The following BIRC6 variants were observed in gnomAD, a reference collection of about 807,000 sequenced individuals.
BIRC6 encodes dual E2 ubiquitin-conjugating enzyme/E3 ubiquitin-protein ligase BIRC6.
In BIRC6, 98 loss-of-function variants were observed where a neutral mutation model predicts 503.3. That is an observed-to-expected ratio of 0.19 (90% CI 0.17 to 0.23). The LOEUF is 0.23. Among genes scored for constraint, BIRC6 ranks in the 10% least tolerant of loss-of-function variants. BIRC6 has a pLI of 1.00. For synonymous variants in BIRC6, 2,240 were observed against 2,078.7 expected, an observed-to-expected ratio of 1.08 and a Z score of -2.11; for missense variants, 5,360 against 5,806.0, an observed-to-expected ratio of 0.92 and a Z score of 2.50.
chr2:32,610,330 A>C (rs1439078130), intron 72 of BIRC6, among the ~76,000 whole-genome samples: 1 of 152,232 alleles, frequency 6.6e-6, no homozygotes, highest in African/African-American at 2.4e-5. Context: ...TCTTACTACT[A>C]TATGTTGGTA....
At chr2:32,390,135 C>A (rs537299711) in intron 4 of BIRC6, among the ~76,000 whole-genome samples, 1 of 151,892 alleles carries the variant, frequency 6.6e-6, no homozygotes, top group East Asian at 1.9e-4. Context: ...GCTGGGATTA[C>A]AGGCATGAGC....
chr2:32,479,487 A>G lies in BIRC6; in HGVS notation c.7278A>G (p.Ala2426=), dbSNP rs757136084. 84 of 1,603,334 alleles carry G rather than the reference A, an allele frequency of 5.2e-5. No individual in the cohort carries two copies. The Admixed American group carries it at 1.4e-3, about 27-fold the overall frequency. ...GAGAATTACTGGCTCCAGTAGCCGC[A>G]GAAGCCATGGAGGAAGGAACAGTGG... ...LAGELLAPVA[A]EAMEEGTVGD... Residue 2426 remains alanine, a synonymous_variant, in exon 37 of 74, where the codon GCA becomes GCG. Transcript: ENST00000421745.
chr2:32,482,409 T>A lies in BIRC6; in HGVS notation c.7543-20T>A. The stretch of plus-strand genomic sequence containing the variant: ...CCAAGAGGCAAAAATAAACCACAGT[T>A]TTTTTTCCATTCTTTTAAGCCAATA... On this transcript the variant is annotated intron_variant, in intron 38 of 73. Coordinates refer to ENST00000421745, the MANE Select transcript of BIRC6 (RefSeq NM_016252.4). The A allele has an allele frequency of 3.1e-6, 5 of 1,604,958 alleles. No individual in the cohort carries two copies. The highest frequency in any genetic ancestry group is 4.3e-6 in the Non-Finnish European group (5 of 1,174,562).
chr2:32,559,924 G>T (rs1233075077), intron 65 of BIRC6, among the ~76,000 whole-genome samples: 1 of 152,010 alleles, frequency 6.6e-6, no homozygotes, highest in Non-Finnish European at 1.5e-5. Context: ...GCTGAGGCAG[G>T]AGAATTGCCT....
At chr2:32,591,532 G>A (rs2061381265) in intron 66 of BIRC6, among the ~76,000 whole-genome samples, 1 of 152,138 alleles carries the variant, frequency 6.6e-6, no homozygotes, top group African/African-American at 2.4e-5. Flanking sequence ...ATACAATAAA[G>A]ACCTAAACTG....
At chr2:32,572,305 G>A (rs1039073911) in intron 65 of BIRC6, among the ~76,000 whole-genome samples, 4 of 152,186 alleles carry the variant, frequency 2.6e-5, no homozygotes, top group Non-Finnish European at 4.4e-5. Context: ...TCTTTCTAGT[G>A]CTGTGAGTTG....
At chr2:32,552,077 A>G (rs1241794407) in intron 65 of BIRC6, among the ~76,000 whole-genome samples, 1 of 152,232 alleles carries the variant, frequency 6.6e-6, no homozygotes, top group Non-Finnish European at 1.5e-5. Flanking sequence ...TTGGTGAGCA[A>G]GACAAGAAAA....
intron 61 of BIRC6, among the ~76,000 whole-genome samples, chr2:32,534,730 CAAAAAAAAAAAAAA>C (rs770672789): frequency 1.8e-4 from 4 of 22,320 alleles, no homozygotes; most frequent in South Asian, 2.5e-3. Context: ...GACTCTGTCT[CAAAAAAAAAAAAAA>C]AAAAAAAAAA....
At chr2:32,367,938 G>A (rs1486492645) in intron 1 of BIRC6, among the ~76,000 whole-genome samples, 2 of 152,164 alleles carry the variant, frequency 1.3e-5, no homozygotes, top group Non-Finnish European at 2.9e-5. Flanking sequence ...TTTTTGAGTG[G>A]GGAAGATGGG....
rs1392251742 is a variant in BIRC6 at position 32,512,886 on chromosome 2, A to G, written c.10347-47A>G. ...ATGGTATTTATCTATATGAAATGCC[A>G]ATTGCACTATATAGTTGGTTATATG... On this transcript the variant is annotated intron_variant, in intron 53 of 73. Transcript: ENST00000421745. 3.4e-6 allele frequency: 5 copies of G among 1,469,674 alleles called. No homozygotes were observed. In the Admixed American group the frequency reaches 6.7e-5, roughly 20 times the overall value. 91.0% of individuals were successfully genotyped at this position (1,469,674 alleles called of 1,614,324 possible).
chr2:32,403,166 C>T (rs1296359490), intron 8 of BIRC6, among the ~76,000 whole-genome samples: 1 of 152,140 alleles, frequency 6.6e-6, no homozygotes, highest in East Asian at 1.9e-4. Flanking sequence ...CTTAAGCCCC[C>T]TCTCTTCACT....
chr2:32,365,223 G>A (rs1395365873), intron 1 of BIRC6, among the ~76,000 whole-genome samples: 1 of 151,926 alleles, frequency 6.6e-6, no homozygotes, highest in Non-Finnish European at 1.5e-5. Context: ...ACCTCTCTCT[G>A]TGCTTCATAA....
intron 11 of BIRC6, among the ~76,000 whole-genome samples, chr2:32,429,516 G>A (rs571693494): frequency 1.7e-4 from 26 of 151,810 alleles, no homozygotes; most frequent in Non-Finnish European, 3.2e-4. Context: ...ATATAAAAGA[G>A]AATTCATTAA....
intron 66 of BIRC6, among the ~76,000 whole-genome samples, chr2:32,582,005 C>T (rs2060706971): frequency 1.3e-5 from 2 of 152,070 alleles, no homozygotes; most frequent in Non-Finnish European, 2.9e-5. Flanking sequence ...ATTAGAGGCC[C>T]TTACCACCAC....
chr2:32,583,277 T>C (rs1429738277), intron 66 of BIRC6, among the ~76,000 whole-genome samples: 1 of 152,206 alleles, frequency 6.6e-6, no homozygotes, highest in Non-Finnish European at 1.5e-5. Flanking sequence ...ACTGTACAGA[T>C]TGTTTTAAGA....
At position 32,515,420 on chromosome 2, in the gene BIRC6, C is replaced by T. The variant is rs1224659054; in HGVS notation, c.10999C>T (p.His3667Tyr). 18 of 1,612,918 alleles carry T rather than the reference C, an allele frequency of 1.1e-5. No individual in the cohort carries two copies. Among genetic ancestry groups the T allele is most frequent in the Non-Finnish European group, 1.4e-5 (16 of 1,179,852 alleles). ...TATTTCCCAGGACAAACTCAGGCGC[C>T]ATCATGTCCCACAACAATGTAATAA... Reference protein sequence around the residue: ...IDISQDKLRRHHVPQQCNKMP... With the variant: ...IDISQDKLRRYHVPQQCNKMP... Residue 3667 changes from histidine to tyrosine, a missense_variant, in exon 55 of 74, where the codon CAT becomes TAT. Coordinates refer to ENST00000421745, the MANE Select transcript of BIRC6 (RefSeq NM_016252.4).
intron 33 of BIRC6, among the ~76,000 whole-genome samples, chr2:32,475,737 T>C (rs2049684228): frequency 6.6e-6 from 1 of 152,144 alleles, no homozygotes; most frequent in Admixed American, 6.5e-5. Context: ...TATTTATATA[T>C]AGCTTAATTA....
intron 23 of BIRC6, among the ~76,000 whole-genome samples, chr2:32,455,160 T>C (rs2047102952): frequency 6.6e-6 from 1 of 151,752 alleles, no homozygotes; most frequent in Non-Finnish European, 1.5e-5. Context: ...GGGCGGATCA[T>C]GAGGTCAAGA....
At chr2:32,392,621 T>A (rs2039370498) in intron 5 of BIRC6, among the ~76,000 whole-genome samples, 1 of 152,104 alleles carries the variant, frequency 6.6e-6, no homozygotes, top group African/African-American at 2.4e-5. Context: ...AAAAAACAAT[T>A]ATTTTTATTT....
Sources: allele counts gnomAD v4.1 joint callset (sites outside exome capture counted in the v4.1 genomes callset), GRCh38; gene constraint gnomAD v4.1.1; transcripts MANE v1.5; gene names NCBI Gene and HGNC (gene_info 2026-07-23, HGNC 2026-07-21).